The following TIAM1 variants were observed in gnomAD, a reference collection of about 807,000 sequenced individuals.
TIAM1 encodes rho guanine nucleotide exchange factor TIAM1.
In TIAM1, 65 loss-of-function variants were observed where a neutral mutation model predicts 163.5. The observed-to-expected ratio is 0.40, with a 90% CI of 0.33 to 0.49. The LOEUF is 0.49. Ranked by LOEUF, TIAM1 falls within the 20% of genes least tolerant of loss-of-function variation. The pLI is 0.77. For missense variants in TIAM1, 1,789 were observed against 2,044.7 expected, an observed-to-expected ratio of 0.87 and a Z score of 2.41; for synonymous variants, 833 against 810.1, an observed-to-expected ratio of 1.03 and a Z score of -0.48.
chr21:31,492,961 A>C (rs919971508), intron 1 of TIAM1, among the ~76,000 whole-genome samples: 3 of 146,228 alleles, frequency 2.1e-5, no homozygotes, highest in African/African-American at 7.9e-5. Context: ...TTGCCTTTTT[A>C]ATGAAGTTAA....
intron 1 of TIAM1, among the ~76,000 whole-genome samples, chr21:31,339,815 C>A (rs188322609): frequency 1.9e-3 from 287 of 152,232 alleles, no homozygotes; most frequent in African/African-American, 6.7e-3. Context: ...TGATCTCTTC[C>A]CTAAAAGTGT....
intron 2 of TIAM1, among the ~76,000 whole-genome samples, chr21:31,450,343 A>G (rs2044781656): frequency 6.6e-6 from 1 of 152,182 alleles, no homozygotes; most frequent in Admixed American, 6.5e-5. Flanking sequence ...ACTTTCTGCA[A>G]GAAGCAGGTC....
At chr21:31,453,688 CAGTAAATAAAT>C (rs10602373) in intron 2 of TIAM1, among the ~76,000 whole-genome samples, 79,019 of 144,656 alleles carry the variant, frequency 0.55, 22,940 homozygotes, top group South Asian at 0.76. Context: ...ACTCCATCTC[CAGTAAATAAAT>C]AAATAAATAA....
intron 16 of TIAM1, among the ~76,000 whole-genome samples, chr21:31,159,550 CT>C (rs940875999): frequency 4.6e-5 from 7 of 152,162 alleles, no homozygotes; most frequent in African/African-American, 1.7e-4. Context: ...TTTACTTAAG[CT>C]TTTTTTGGGG....
At chr21:31,370,588 G>T (rs1221082411) in intron 2 of TIAM1, among the ~76,000 whole-genome samples, 3 of 152,058 alleles carry the variant, frequency 2.0e-5, no homozygotes, top group South Asian at 2.1e-4. Context: ...TTCTGTGGGG[G>T]TTTATATACT....
At chr21:31,354,632 C>A (rs569902189) in intron 2 of TIAM1, among the ~76,000 whole-genome samples, 2 of 152,248 alleles carry the variant, frequency 1.3e-5, no homozygotes, top group East Asian at 3.9e-4. Context: ...CGCAGCTGAA[C>A]CACCCAACTT....
At chr21:31,345,346 C>T, upstream of TIAM1, among the ~76,000 whole-genome samples, 1 of 151,944 alleles carries the variant, frequency 6.6e-6, no homozygotes. Flanking sequence ...GTCATAATGA[C>T]TCAAATGCCA....
At chr21:31,186,593 A>C (rs966953270) in intron 14 of TIAM1, among the ~76,000 whole-genome samples, 4 of 152,010 alleles carry the variant, frequency 2.6e-5, no homozygotes, top group African/African-American at 9.7e-5. Context: ...GCAACACAGC[A>C]AGACCCCTGA....
chr21:31,197,023 A>AG (rs2085893602), intron 12 of TIAM1, among the ~76,000 whole-genome samples: 2 of 152,180 alleles, frequency 1.3e-5, no homozygotes, highest in Admixed American at 6.5e-5. Flanking sequence ...ACTTACAACT[A>AG]GGGGCTAAAC....
chr21:31,420,907 A>G (rs1057269295), intron 2 of TIAM1, among the ~76,000 whole-genome samples: 1 of 152,166 alleles, frequency 6.6e-6, no homozygotes, highest in Non-Finnish European at 1.5e-5. Context: ...GGACCACCTG[A>G]GGTCAGGAGT....
At chr21:31,152,814 C>G in intron 18 of TIAM1, 53 bp from the exon 19 acceptor site, 1 of 1,587,998 alleles carries the variant, frequency 6.3e-7, no homozygotes, top group Admixed American at 1.8e-5. Flanking sequence ...TCTTCCTAAA[C>G]GTTATTTATA....
At chr21:31,413,821 A>G (rs1263753139) in intron 2 of TIAM1, among the ~76,000 whole-genome samples, 5 of 152,142 alleles carry the variant, frequency 3.3e-5, no homozygotes, top group Non-Finnish European at 5.9e-5. Context: ...CTCCTTCCAC[A>G]GGGTTCCAGT....
chr21:31,400,382 A>G (rs901811744), intron 2 of TIAM1, among the ~76,000 whole-genome samples: 2 of 152,076 alleles, frequency 1.3e-5, no homozygotes, highest in Non-Finnish European at 2.9e-5. Flanking sequence ...TGCCCACCTC[A>G]GCCTCTCAAA....
chr21:31,199,789 C>T (rs2086098642), intron 12 of TIAM1, among the ~76,000 whole-genome samples: 1 of 151,376 alleles, frequency 6.6e-6, no homozygotes. Context: ...CTCAGCCTCC[C>T]AAAGTGCTGG....
At chr21:31,303,977 C>CA (rs1374149351) in intron 2 of TIAM1, among the ~76,000 whole-genome samples, 7 of 150,906 alleles carry the variant, frequency 4.6e-5, no homozygotes, top group African/African-American at 1.2e-4. Flanking sequence ...GACGCCATCT[C>CA]AAAAAAAAGA....
chr21:31,301,875 A>AATAC (rs1569187950), intron 2 of TIAM1, among the ~76,000 whole-genome samples: 1 of 148,228 alleles, frequency 6.7e-6, no homozygotes, highest in South Asian at 2.1e-4. Flanking sequence ...TAAATAAATA[A>AATAC]AATATATATA....
intron 4 of TIAM1, among the ~76,000 whole-genome samples, chr21:31,252,996 G>A (rs2071899098): frequency 6.6e-6 from 1 of 152,262 alleles, no homozygotes; most frequent in Non-Finnish European, 1.5e-5. Flanking sequence ...GAGGGTATCA[G>A]TTCCCAGTTT....
rs903499486 is a variant in TIAM1 at position 31,468,067 on chromosome 21, C to T, written c.-421-4032G>A. On this transcript the variant is annotated intron_variant, in intron 1 of 28. Coordinates refer to the TIAM1 transcript ENST00000286827. ...TCACACCATTGCACTCCACCCTGGG[C>T]GACAAGAGCGAAACTCTTAAAAAAA... Among the ~76,000 whole-genome samples the T allele has an allele frequency of 2.8e-5, 4 of 141,234 alleles. No individual in the cohort carries two copies. In the South Asian group the frequency reaches 6.8e-4, roughly 24 times the overall value. 92.7% of individuals were successfully genotyped at this position (141,234 alleles called of 152,430 possible). A position where few individuals can be genotyped will look rare whatever the true frequency, so the allele number is the denominator to read the frequency against.
At chr21:31,319,039 G>C (rs1056712888) in intron 2 of TIAM1, among the ~76,000 whole-genome samples, 2 of 152,116 alleles carry the variant, frequency 1.3e-5, no homozygotes, top group East Asian at 3.9e-4. Context: ...AAACCTCTGA[G>C]TTTTGAATCA....
Sources: allele counts gnomAD v4.1 joint callset (sites outside exome capture counted in the v4.1 genomes callset), GRCh38; gene constraint gnomAD v4.1.1; transcripts MANE v1.5; gene names NCBI Gene and HGNC (gene_info 2026-07-23, HGNC 2026-07-21).